Variants in TCF7L2 observed in about 807,000 individuals in gnomAD.
TCF7L2 encodes transcription factor 7-like 2.
In TCF7L2, 23 loss-of-function variants were observed where a neutral mutation model predicts 77.9. That is an observed-to-expected ratio of 0.30 (90% CI 0.21 to 0.42). The LOEUF is 0.42. Among genes scored for constraint, TCF7L2 ranks in the 10% least tolerant of loss-of-function variants. The pLI is 1.00. For synonymous variants in TCF7L2, 413 were observed against 340.2 expected (o/e 1.21, Z -2.36); for missense variants, 654 against 793.1 (o/e 0.82, Z 2.11).
rs959298970 is a variant in TCF7L2 at position 113,028,753 on chromosome 10, A to G, written c.451-11272A>G. Among the ~76,000 whole-genome samples, 14 of 152,330 alleles carry G rather than the reference A, an allele frequency of 9.2e-5. No homozygotes were observed. The South Asian group carries it at 2.9e-3, about 32-fold the overall frequency. ...AGAATGGGGAGGAGAACCTAATTAGAAAAATCAAGCCTTGAGAGCTCCCAG... is the reference window on the plus strand; with the variant it reads ...AGAATGGGGAGGAGAACCTAATTAGGAAAATCAAGCCTTGAGAGCTCCCAG... On this transcript the variant is annotated intron_variant, in intron 4 of 13. Coordinates refer to ENST00000627217, the MANE Select transcript of TCF7L2 (RefSeq NM_001146274.2).
intron 4 of TCF7L2, among the ~76,000 whole-genome samples, chr10:112,993,794 C>T (rs191455149): frequency 0.014 from 2,125 of 152,042 alleles, 26 homozygotes; most frequent in Non-Finnish European, 0.021. Flanking sequence ...CGGTGGCTTA[C>T]GCCTGTAATC....
chr10:113,071,416 G>A (rs2057994147), intron 5 of TCF7L2, among the ~76,000 whole-genome samples: 2 of 152,114 alleles, frequency 1.3e-5, no homozygotes. Flanking sequence ...TTGAGAGTCT[G>A]TCTCTGAGAT....
At chr10:112,971,140 A>C (rs2038153352) in intron 4 of TCF7L2, among the ~76,000 whole-genome samples, 1 of 152,232 alleles carries the variant, frequency 6.6e-6, no homozygotes. Flanking sequence ...ATCAGTGAGC[A>C]AAACAGACAA....
At chr10:113,159,943 C>T in intron 12 of TCF7L2, 2 of 1,588,244 alleles carry the variant, frequency 1.3e-6, no homozygotes, top group Non-Finnish European at 1.7e-6. Context: ...TAAGAAATGC[C>T]GAGCGCGCTT....
At chr10:113,147,338 A>G (rs1455074244) in intron 8 of TCF7L2, among the ~76,000 whole-genome samples, 1 of 152,216 alleles carries the variant, frequency 6.6e-6, no homozygotes, top group African/African-American at 2.4e-5. Flanking sequence ...TGCTTTTCCT[A>G]CTTACAAAAC....
chr10:113,044,058 C>T (rs941909659), intron 5 of TCF7L2, among the ~76,000 whole-genome samples: 6 of 152,050 alleles, frequency 3.9e-5, no homozygotes, highest in East Asian at 1.9e-4. Context: ...CTTTTGAAGT[C>T]GATGTAGAAT....
At chr10:113,016,205 C>G (rs1473152684) in intron 4 of TCF7L2, among the ~76,000 whole-genome samples, 1 of 151,994 alleles carries the variant, frequency 6.6e-6, no homozygotes, top group Non-Finnish European at 1.5e-5. Context: ...GCTGGGATTA[C>G]AGGCACGTGC....
intron 4 of TCF7L2, among the ~76,000 whole-genome samples, chr10:112,979,400 G>A (rs1051619327): frequency 6.6e-6 from 1 of 152,158 alleles, no homozygotes; most frequent in Non-Finnish European, 1.5e-5. Flanking sequence ...AGTCAAATTC[G>A]TTAGGATTTT....
At chr10:113,080,039 TACAC>T (rs1028092956) in intron 5 of TCF7L2, among the ~76,000 whole-genome samples, 34 of 151,820 alleles carry the variant, frequency 2.2e-4, no homozygotes, top group African/African-American at 8.0e-4. Flanking sequence ...TCTGCCTCTG[TACAC>T]ACACACATGC....
rs544956789 is a variant in TCF7L2, at chr10:113,078,045, T to C, written c.552+37919T>C. ...GCCACTGTGCCTGGCCAGGACTTTATTCCTTTTATGGCTGAATAATATTTC... is the reference window on the plus strand; with the variant it reads ...GCCACTGTGCCTGGCCAGGACTTTACTCCTTTTATGGCTGAATAATATTTC... On this transcript the variant is annotated intron_variant, in intron 5 of 13. Coordinates refer to ENST00000627217, the MANE Select transcript of TCF7L2 (RefSeq NM_001146274.2). Among the ~76,000 whole-genome samples, 3 of 152,012 alleles carry C rather than the reference T, an allele frequency of 2.0e-5. No homozygotes were observed. In the East Asian group the frequency reaches 5.8e-4, roughly 29 times the overall value.
At chr10:113,015,956 C>A (rs1458342500) in intron 4 of TCF7L2, among the ~76,000 whole-genome samples, 1 of 152,160 alleles carries the variant, frequency 6.6e-6, no homozygotes, top group Non-Finnish European at 1.5e-5. Context: ...GCTGCCATTC[C>A]TTGGGGTCTG....
At chr10:112,986,615 T>C (rs967582540) in intron 4 of TCF7L2, among the ~76,000 whole-genome samples, 10 of 152,178 alleles carry the variant, frequency 6.6e-5, no homozygotes, top group African/African-American at 2.4e-4. Flanking sequence ...GTCTGCACAC[T>C]TATAAGTCAC....
intron 5 of TCF7L2, among the ~76,000 whole-genome samples, chr10:113,058,169 C>T (rs2055729573): frequency 1.3e-5 from 2 of 152,190 alleles, no homozygotes; most frequent in African/African-American, 2.4e-5. Flanking sequence ...TGTCTTTCAA[C>T]CTTGGTTCAG....
In TCF7L2 at chr10:113,151,627, G is replaced by A; in HGVS notation, c.1002-98G>A. ...ATGCTTTTTAATCCAAAACTGCTAGGCTTGGGGGTTATGAGACAAGGAGAT... is the reference window on the plus strand; with the variant it reads ...ATGCTTTTTAATCCAAAACTGCTAGACTTGGGGGTTATGAGACAAGGAGAT... On this transcript the variant is annotated intron_variant, in intron 9 of 13. Coordinates refer to ENST00000627217, the MANE Select transcript of TCF7L2 (RefSeq NM_001146274.2). This position sits in a 1 kb window ranked among gnomAD's most constrained non-coding sequence, Gnocchi z 5.2. 7.0e-7 allele frequency: 1 copy of A among 1,438,706 alleles called. No homozygotes were observed. Among genetic ancestry groups the A allele is most frequent in the South Asian group, 1.6e-5 (1 of 64,042 alleles). The allele number at this position is 1,438,706 out of a possible 1,614,324, so 89.1% of individuals were successfully genotyped here. A position where few individuals can be genotyped will look rare whatever the true frequency, so the allele number is the denominator to read the frequency against.
At chr10:113,082,975 T>G (rs1416220784) in intron 5 of TCF7L2, among the ~76,000 whole-genome samples, 1 of 152,066 alleles carries the variant, frequency 6.6e-6, no homozygotes, top group Admixed American at 6.6e-5. Context: ...GGGTGAGCAG[T>G]GCTTTGTAAA....
chr10:112,995,880 T>C (rs577247134), intron 4 of TCF7L2, among the ~76,000 whole-genome samples: 10 of 152,272 alleles, frequency 6.6e-5, no homozygotes, highest in African/African-American at 2.2e-4. Context: ...ATCTTCATTG[T>C]CTAGGGGCTC....
chr10:113,021,664 G>T (rs1474239666), intron 4 of TCF7L2, among the ~76,000 whole-genome samples: 3 of 152,264 alleles, frequency 2.0e-5, no homozygotes, highest in Non-Finnish European at 4.4e-5. Context: ...GGAAGTAGTT[G>T]GTGGCCTGGG....
At chr10:113,149,956 A>G (rs1469342641) in intron 8 of TCF7L2, among the ~76,000 whole-genome samples, 2 of 152,202 alleles carry the variant, frequency 1.3e-5, no homozygotes, top group East Asian at 1.9e-4. Context: ...ACCCAGTACA[A>G]ATCATGGTGA....
At chr10:113,130,086 C>T (rs369086513) in intron 5 of TCF7L2, 2 of 835,022 alleles carry the variant, frequency 2.4e-6, no homozygotes, top group South Asian at 3.5e-5. Context: ...TTTCCCCCCC[C>T]TTAATTTAGA....
Sources: gnomAD v4.1 joint callset for allele counts (sites outside exome capture counted in the v4.1 genomes callset) on GRCh38, gnomAD v4.1.1 for gene constraint, Gnocchi (gnomAD v3.1) non-coding constraint, MANE v1.5 for transcripts, NCBI Gene and HGNC (gene_info 2026-07-23, HGNC 2026-07-21) for gene names.